Variants in TTC39B observed in about 807,000 individuals in gnomAD.
TTC39B encodes tetratricopeptide repeat domain 39B.
Under a neutral mutation model 96.6 loss-of-function variants are expected in TTC39B, and 92 were observed. The ratio of observed to expected loss-of-function variants is 0.95; its 90% confidence interval spans 0.80 to 1.13. The LOEUF (loss-of-function observed/expected upper bound fraction) is 1.13, where lower values mean the gene tolerates loss of function less well. TTC39B is among the 50% of genes most tolerant of loss of function. The pLI, the probability that TTC39B is intolerant of heterozygous loss-of-function variation, is 0.00. For synonymous variants in TTC39B, 367 were observed against 299.4 expected (o/e 1.23, Z -2.33); for missense variants, 955 against 809.3 (o/e 1.18, Z -2.18).
At chr9:15,278,017 AATTGTATAGC>A (rs1823611956) in intron 1 of TTC39B, among the ~76,000 whole-genome samples, 1 of 152,254 alleles carries the variant, frequency 6.6e-6, no homozygotes, top group East Asian at 1.9e-4. Context: ...AAAAAATTTG[AATTGTATAGC>A]ATTGCTTTAG....
intron 1 of TTC39B, among the ~76,000 whole-genome samples, chr9:15,275,874 G>A (rs559009023): frequency 2.9e-5 from 4 of 137,318 alleles, no homozygotes; most frequent in African/African-American, 1.1e-4. Flanking sequence ...TAGTAATAAA[G>A]CAGCCTAAAA....
chr9:15,172,222 A>C, intron 19 of TTC39B, 113 bp from the exon 20 acceptor site: 5 of 613,476 alleles, frequency 8.2e-6, no homozygotes, highest in Non-Finnish European at 1.1e-5. Flanking sequence ...TCTAATATAC[A>C]TAACCGTAGA....
At chr9:15,201,193 T>C (rs994473409) in intron 7 of TTC39B, among the ~76,000 whole-genome samples, 11 of 152,016 alleles carry the variant, frequency 7.2e-5, no homozygotes, top group African/African-American at 2.4e-4. Context: ...AATTAAGGAA[T>C]CTTATGATTA....
At chr9:15,189,463 G>T (rs1818726490) in intron 13 of TTC39B, 111 bp downstream of exon 13, 3 of 1,077,038 alleles carry the variant, frequency 2.8e-6, no homozygotes, top group African/African-American at 1.7e-5. Flanking sequence ...CTTTATTTTT[G>T]TCTAGTCCAT....
intron 2 of TTC39B, among the ~76,000 whole-genome samples, chr9:15,234,018 G>A (rs1424132614): frequency 3.3e-5 from 4 of 122,064 alleles, no homozygotes; most frequent in East Asian, 2.0e-4. Context: ...GCCCCGTCTG[G>A]GATGTGAGGA....
chr9:15,280,736 CAGTGG>C (rs1315935120), intron 1 of TTC39B, among the ~76,000 whole-genome samples: 16 of 152,178 alleles, frequency 1.1e-4, no homozygotes, highest in Non-Finnish European at 2.4e-4. Flanking sequence ...TCAGGAGAGG[CAGTGG>C]GTATCCCTAA....
intron 2 of TTC39B, among the ~76,000 whole-genome samples, chr9:15,237,819 A>G (rs1403418482): frequency 1.3e-5 from 2 of 152,162 alleles, no homozygotes; most frequent in Non-Finnish European, 2.9e-5. Flanking sequence ...CTAAAATCAG[A>G]CAAGGACACA....
At chr9:15,276,844 G>T (rs1229932830) in intron 1 of TTC39B, among the ~76,000 whole-genome samples, 3 of 152,136 alleles carry the variant, frequency 2.0e-5, no homozygotes, top group Non-Finnish European at 2.9e-5. Flanking sequence ...CACAGAACAG[G>T]TCCGACTTAA....
At chr9:15,295,331 CA>C (rs1824332904) in intron 1 of TTC39B, among the ~76,000 whole-genome samples, 1 of 152,094 alleles carries the variant, frequency 6.6e-6, no homozygotes, top group African/African-American at 2.4e-5. Context: ...ACTTTATTTA[CA>C]AAAATAGGCA....
chr9:15,186,899 T>G (rs1818557709), intron 15 of TTC39B, 45 bp downstream of exon 15: 1 of 1,576,744 alleles, frequency 6.3e-7, no homozygotes. Flanking sequence ...ATTTTGCCCC[T>G]TTATACCCTC....
intron 1 of TTC39B, among the ~76,000 whole-genome samples, chr9:15,289,065 C>CTA (rs1252588547): frequency 6.6e-6 from 1 of 152,194 alleles, no homozygotes; most frequent in African/African-American, 2.4e-5. Context: ...TTATCTACCC[C>CTA]AGGTAGCAAG....
chr9:15,197,226 T>G (rs1423585287), intron 8 of TTC39B, among the ~76,000 whole-genome samples: 2 of 152,256 alleles, frequency 1.3e-5, no homozygotes, highest in Non-Finnish European at 2.9e-5. Flanking sequence ...TATACCTGTA[T>G]GTCTTTGCCT....
At chr9:15,187,013 G>A (rs1177225691) in exon 15 of TTC39B, 1 of 1,613,014 alleles carries the variant, frequency 6.2e-7, no homozygotes, top group South Asian at 1.1e-5. Flanking sequence ...CAAAATTGCT[G>A]CTTTCAAGAA....
intron 3 of TTC39B, 100 bp from the exon 4 acceptor site, chr9:15,214,349 T>TGA: frequency 1.7e-6 from 1 of 589,480 alleles, no homozygotes; most frequent in Non-Finnish European, 2.8e-6. Context: ...TGTGTGTGTC[T>TGA]GTGTGTGTGT....
intron 2 of TTC39B, among the ~76,000 whole-genome samples, chr9:15,238,907 G>T (rs1564378086): frequency 6.6e-6 from 1 of 152,154 alleles, no homozygotes; most frequent in Admixed American, 6.6e-5. Flanking sequence ...GATCACTTGA[G>T]TCTGGGAGGC....
At chr9:15,255,466 A>G (rs1394979477) in intron 2 of TTC39B, among the ~76,000 whole-genome samples, 1 of 152,154 alleles carries the variant, frequency 6.6e-6, no homozygotes, top group Non-Finnish European at 1.5e-5. Context: ...CAAGCAATGA[A>G]GAAGTTTGGC....
chr9:15,218,557 G>A (rs1820655326), intron 3 of TTC39B, among the ~76,000 whole-genome samples: 1 of 151,374 alleles, frequency 6.6e-6, no homozygotes, highest in Admixed American at 6.6e-5. Context: ...TATATCTTCA[G>A]TGAGGTGACG....
At chr9:15,183,464 C>A (rs1007862253) in intron 16 of TTC39B, 5,999 of 257,862 alleles carry the variant, frequency 0.023, 1 homozygote, top group South Asian at 0.041. Context: ...TTCCTAGGTA[C>A]AAAAAAAAAA....
chr9:15,168,218 G>C (rs974507607), exon 20 of TTC39B: 2 of 152,176 alleles, frequency 1.3e-5, no homozygotes, highest in Admixed American at 6.5e-5. Context: ...GTGGCGAGGG[G>C]CTACTGTACT....
Sources: allele counts gnomAD v4.1 joint callset (sites outside exome capture counted in the v4.1 genomes callset), GRCh38; gene constraint gnomAD v4.1.1; transcripts MANE v1.5; gene names NCBI Gene and HGNC (gene_info 2026-07-23, HGNC 2026-07-21).